Variants in IMPG1 observed in about 807,000 individuals in gnomAD.
The protein encoded by IMPG1 is interphotoreceptor matrix proteoglycan of 150 kDa.
IMPG1 carries 85 observed loss-of-function variants against 92.0 expected under a neutral mutation model. The observed-to-expected ratio is 0.92, with a 90% CI of 0.78 to 1.11. IMPG1 has a LOEUF of 1.11. Ranked by LOEUF, IMPG1 falls within the 50% of genes least tolerant of loss-of-function variation. The probability of loss-of-function intolerance (pLI) is 0.00; values close to 1 mark genes in which losing one functional copy is unlikely to be tolerated. For synonymous variants in IMPG1, 367 were observed against 334.1 expected (o/e 1.10, Z -1.08); for missense variants, 1,022 against 956.0 (o/e 1.07, Z -0.91).
intron 13 of IMPG1, among the ~76,000 whole-genome samples, chr6:75,949,356 T>A (rs1781986315): frequency 6.6e-6 from 1 of 152,192 alleles, no homozygotes; most frequent in South Asian, 2.1e-4. Flanking sequence ...CCTCTGGTCG[T>A]CCTCACTACT....
intron 1 of IMPG1, among the ~76,000 whole-genome samples, chr6:76,065,943 C>A (rs1464852888): frequency 6.6e-6 from 1 of 152,098 alleles, no homozygotes; most frequent in Non-Finnish European, 1.5e-5. Flanking sequence ...TAAAGAAAAA[C>A]TGTCAACAAT....
chr6:75,932,980 CG>C (rs1361965422), intron 14 of IMPG1, among the ~76,000 whole-genome samples: 3 of 152,136 alleles, frequency 2.0e-5, no homozygotes, highest in African/African-American at 7.2e-5. Flanking sequence ...GGATTACAGG[CG>C]TGAGCCACCG....
chr6:76,022,107 A>T lies in IMPG1; in HGVS notation c.666+9T>A. On this transcript the variant is annotated intron_variant, in intron 6 of 16. Transcript: ENST00000369950. ...ATGAAGAGCTAGATCAACTCTAGGA[A>T]CTTCTTACTGTTGTAGGCATCTTGG... 6.7e-7 allele frequency: 1 copy of T among 1,485,788 alleles called. No individual in the cohort carries two copies. The highest frequency in any genetic ancestry group is 9.3e-7 in the Non-Finnish European group (1 of 1,070,436). The allele number at this position is 1,485,788 out of a possible 1,614,324, so 92.0% of individuals were successfully genotyped here.
intron 4 of IMPG1, among the ~76,000 whole-genome samples, chr6:76,030,563 C>T (rs903538755): frequency 2.6e-5 from 4 of 152,138 alleles, no homozygotes; most frequent in Admixed American, 2.0e-4. Context: ...GAGTTAATTT[C>T]CCAAGCCTTA....
chr6:76,034,598 A>G (rs757715105), intron 3 of IMPG1, 23 bp downstream of exon 3: 2 of 1,612,624 alleles, frequency 1.2e-6, no homozygotes, highest in Admixed American at 3.3e-5. Flanking sequence ...TGTTCCAAAT[A>G]ACCATGTGGT....
chr6:75,990,487 T>C (rs1782795954), intron 12 of IMPG1, among the ~76,000 whole-genome samples: 1 of 151,942 alleles, frequency 6.6e-6, no homozygotes, highest in African/African-American at 2.4e-5. Context: ...GGCATGGTGG[T>C]TCATGTCTAT....
intron 13 of IMPG1, among the ~76,000 whole-genome samples, chr6:75,948,038 C>A (rs1398493489): frequency 6.6e-6 from 1 of 152,186 alleles, no homozygotes; most frequent in African/African-American, 2.4e-5. Context: ...TCCCGGCCAA[C>A]ACAAATGTGG....
intron 1 of IMPG1, among the ~76,000 whole-genome samples, chr6:76,053,970 C>T (rs1378038506): frequency 6.6e-6 from 1 of 152,008 alleles, no homozygotes. Flanking sequence ...TATATCTTTG[C>T]CTGTTAACTT....
intron 1 of IMPG1, among the ~76,000 whole-genome samples, chr6:76,060,641 T>C (rs1784189968): frequency 6.6e-6 from 1 of 152,216 alleles, no homozygotes; most frequent in South Asian, 2.1e-4. Flanking sequence ...CAGTGGTTGC[T>C]GAAAACTGTC....
intron 15 of IMPG1, among the ~76,000 whole-genome samples, chr6:75,927,085 G>GA (rs142384969): frequency 0.024 from 3,592 of 152,256 alleles, 139 homozygotes; most frequent in African/African-American, 0.082. Flanking sequence ...ATTTGCTTCT[G>GA]AGTTTAGGTT....
intron 12 of IMPG1, among the ~76,000 whole-genome samples, chr6:75,994,986 G>A (rs1351755856): frequency 6.6e-6 from 1 of 152,086 alleles, no homozygotes; most frequent in Non-Finnish European, 1.5e-5. Flanking sequence ...TGAGAGGCAC[G>A]GCTAAAACCA....
chr6:75,974,391 C>CTTTCT (rs1554230325), intron 12 of IMPG1, among the ~76,000 whole-genome samples: 1 of 54,776 alleles, frequency 1.8e-5, no homozygotes, highest in Non-Finnish European at 3.8e-5. Flanking sequence ...TTCTTTCTTT[C>CTTTCT]TTTTCTTTCT....
intron 4 of IMPG1, among the ~76,000 whole-genome samples, chr6:76,033,856 TGAGGATATAACTTA>T (rs1783691328): frequency 6.6e-6 from 1 of 152,338 alleles, no homozygotes; most frequent in East Asian, 1.9e-4. Flanking sequence ...CAGTTCTTGT[TGAGGATATAACTTA>T]GAGCTTTAGT....
intron 6 of IMPG1, among the ~76,000 whole-genome samples, chr6:76,020,865 T>C (rs928845078): frequency 5.9e-5 from 9 of 152,220 alleles, no homozygotes; most frequent in Non-Finnish European, 1.3e-4. Flanking sequence ...TGGCATAACA[T>C]TATGTGACAA....
At chr6:76,029,341 T>C (rs1443084119) in intron 4 of IMPG1, among the ~76,000 whole-genome samples, 1 of 152,232 alleles carries the variant, frequency 6.6e-6, no homozygotes, top group Non-Finnish European at 1.5e-5. Context: ...AAAAGGCTTA[T>C]GTAGAAATAA....
chr6:75,932,032 GTCTCCTGTT>G (rs1199197910), intron 14 of IMPG1, among the ~76,000 whole-genome samples: 1 of 152,212 alleles, frequency 6.6e-6, no homozygotes. Context: ...GCCCCAGAAG[GTCTCCTGTT>G]CAACCATATC....
Position 76,018,862 on chromosome 6 carries a change from A to T in IMPG1, c.667-4T>A. 2 of 1,554,818 alleles carry T rather than the reference A, an allele frequency of 1.3e-6. No individual in the cohort carries two copies. Among genetic ancestry groups the T allele is most frequent in the Non-Finnish European group, 1.7e-6 (2 of 1,154,562 alleles). On this transcript the variant is annotated splice_polypyrimidine_tract_variant and splice_region_variant and intron_variant, in intron 6 of 16. Coordinates refer to ENST00000369950, the MANE Select transcript of IMPG1 (RefSeq NM_001563.4). ...CAGCGAATTCTGTTTCTCTTTCCTGAGTTTAAAAAAAAAAAAAAGGACTTC... is the reference window on the plus strand; with the variant it reads ...CAGCGAATTCTGTTTCTCTTTCCTGTGTTTAAAAAAAAAAAAAAGGACTTC...
chr6:75,988,487 A>T (rs1178314154), intron 12 of IMPG1, among the ~76,000 whole-genome samples: 2 of 151,914 alleles, frequency 1.3e-5, no homozygotes, highest in Non-Finnish European at 2.9e-5. Flanking sequence ...TTTTCTTGTA[A>T]ATTTGTTTAA....
At chr6:76,055,997 C>T (rs916169810) in intron 1 of IMPG1, among the ~76,000 whole-genome samples, 4 of 151,850 alleles carry the variant, frequency 2.6e-5, no homozygotes, top group Non-Finnish European at 4.4e-5. Context: ...ATTCCATTTT[C>T]CTACGACTCT....
Sources: allele counts gnomAD v4.1 joint callset (sites outside exome capture counted in the v4.1 genomes callset), GRCh38; gene constraint gnomAD v4.1.1; transcripts MANE v1.5; gene names NCBI Gene and HGNC (gene_info 2026-07-23, HGNC 2026-07-21).